TRIM24: variants seen among roughly 807,000 people sequenced by gnomAD.
TRIM24 encodes the protein transcription intermediary factor 1-alpha.
Under a neutral mutation model 123.9 loss-of-function variants are expected in TRIM24, and 29 were observed. That is an observed-to-expected ratio of 0.23 (90% CI 0.17 to 0.32). TRIM24 has a LOEUF of 0.32. Among genes scored for constraint, TRIM24 ranks in the 10% least tolerant of loss-of-function variants. The pLI, the probability that TRIM24 is intolerant of heterozygous loss-of-function variation, is 1.00. For missense variants in TRIM24, 932 were observed against 1,295.3 expected (o/e 0.72, Z 4.31); for synonymous variants, 456 against 461.1 (o/e 0.99, Z 0.14).
intron 2 of TRIM24, among the ~76,000 whole-genome samples, chr7:138,512,158 G>GCTC (rs1796301674): frequency 6.6e-6 from 1 of 152,124 alleles, no homozygotes; most frequent in African/African-American, 2.4e-5. Flanking sequence ...GGCTCCCAAA[G>GCTC]CCTTGGGCAG....
chr7:138,461,125 G>T, intron 1 of TRIM24: 1 of 704,840 alleles, frequency 1.4e-6, no homozygotes, highest in South Asian at 1.4e-5. Context: ...GGGCGCTGTG[G>T]ACTTGACCGC....
intron 1 of TRIM24, among the ~76,000 whole-genome samples, chr7:138,486,471 T>A (rs918813211): frequency 7.2e-5 from 11 of 152,152 alleles, no homozygotes; most frequent in African/African-American, 2.7e-4. Context: ...TGGTTTTAGG[T>A]CTAACATTTA....
chr7:138,573,368 G>T, intron 11 of TRIM24, 139 bp from the exon 12 acceptor site: 1 of 784,700 alleles, frequency 1.3e-6, no homozygotes, highest in Non-Finnish European at 1.8e-6. Flanking sequence ...GAAAATATCT[G>T]TTAGAACTTC....
chr7:138,461,409 C>A, intron 1 of TRIM24: 5 of 391,102 alleles, frequency 1.3e-5, no homozygotes, highest in South Asian at 9.7e-5. Context: ...TGATTGATTG[C>A]AGATCGGATG....
chr7:138,504,583 C>T (rs917986021), intron 2 of TRIM24, among the ~76,000 whole-genome samples, 175 bp downstream of exon 2: 2 of 151,504 alleles, frequency 1.3e-5, no homozygotes, highest in Admixed American at 1.3e-4. Flanking sequence ...CTGCCTCAGC[C>T]TCCCGAGTAG....
chr7:138,570,731 A>C, intron 10 of TRIM24, 99 bp from the exon 11 acceptor site: 1 of 1,210,540 alleles, frequency 8.3e-7, no homozygotes, highest in Non-Finnish European at 1.2e-6. Flanking sequence ...TGTAAATTAC[A>C]GTTGAACTCT....
At chr7:138,514,211 T>C (rs140090988) in intron 2 of TRIM24, among the ~76,000 whole-genome samples, 462 of 152,248 alleles carry the variant, frequency 3.0e-3, no homozygotes, top group African/African-American at 9.9e-3. Flanking sequence ...TCAAACCTGT[T>C]CTCATCTCCA....
At position 138,497,393 on chromosome 7, in the gene TRIM24, CTTTTTTTTTTTTT is replaced by C. The variant is rs869232002; in HGVS notation, c.365-6884_365-6872del. ...GATGGGAAGGTTTCAATTACAATTT[CTTTTTTTTTTTTT>C]TTTTTTTTTTTTGAGAAAGAGTCTC... On this transcript the variant is annotated intron_variant, in intron 1 of 18. Transcript: ENST00000343526. Among the ~76,000 whole-genome samples the C allele has an allele frequency of 9.8e-4, 87 of 88,338 alleles. 1 individual carries two copies. The highest frequency in any genetic ancestry group is 1.6e-3 in the Non-Finnish European group (76 of 46,720). The allele number at this position is 88,338 out of a possible 152,430, so 58.0% of individuals were successfully genotyped here.
At chr7:138,552,231 G>C (rs1316964157) in intron 8 of TRIM24, among the ~76,000 whole-genome samples, 1 of 152,128 alleles carries the variant, frequency 6.6e-6, no homozygotes, top group Non-Finnish European at 1.5e-5. Flanking sequence ...TAAGTAAACT[G>C]ATGTTTGTCT....
intron 1 of TRIM24, among the ~76,000 whole-genome samples, chr7:138,466,682 G>C (rs1019346547): frequency 9.9e-5 from 15 of 151,838 alleles, no homozygotes; most frequent in African/African-American, 3.6e-4. Flanking sequence ...GAAACGTAAA[G>C]TTCTTTATAT....
intron 9 of TRIM24, among the ~76,000 whole-genome samples, chr7:138,561,293 C>T (rs769634931): frequency 2.0e-5 from 3 of 152,136 alleles, no homozygotes; most frequent in Non-Finnish European, 2.9e-5. Flanking sequence ...GTAAAGTATT[C>T]AACATCTGGG....
At chr7:138,483,910 A>G (rs2116483040) in intron 1 of TRIM24, among the ~76,000 whole-genome samples, 1 of 152,228 alleles carries the variant, frequency 6.6e-6, no homozygotes, top group African/African-American at 2.4e-5. Context: ...GATAAAGAGT[A>G]TTTGGTTAAG....
At chr7:138,562,818 G>A (rs533405693) in intron 9 of TRIM24, among the ~76,000 whole-genome samples, 9 of 152,216 alleles carry the variant, frequency 5.9e-5, no homozygotes, top group South Asian at 2.1e-4. Context: ...TTTGCAGGAC[G>A]GTAAGGGTTA....
At chr7:138,464,697 T>C (rs937139710) in intron 1 of TRIM24, among the ~76,000 whole-genome samples, 2 of 152,212 alleles carry the variant, frequency 1.3e-5, no homozygotes, top group Non-Finnish European at 2.9e-5. Flanking sequence ...GGGCCCATGC[T>C]ATAGGCCAAA....
chr7:138,460,408 T>C lies in TRIM24; in HGVS notation c.-141T>C, dbSNP rs7799818. 453,185 of 934,850 alleles carry C rather than the reference T, an allele frequency of 0.48. 115,241 individuals are homozygous for C. The highest frequency in any genetic ancestry group is 0.57 in the Middle Eastern group (1,541 of 2,702). The allele number at this position is 934,850 out of a possible 1,614,324, so 57.9% of individuals were successfully genotyped here. On this transcript the variant is annotated 5_prime_UTR_variant, in exon 1 of 19. Transcript: ENST00000343526. Reference sequence around the variant, plus strand: ...GCCTGAGGAGGCTTCCCCCGCCCGGTTTGCTTTCCCTCCCTCGCTGGCGCT... The same window carrying C: ...GCCTGAGGAGGCTTCCCCCGCCCGGCTTGCTTTCCCTCCCTCGCTGGCGCT...
intron 1 of TRIM24, among the ~76,000 whole-genome samples, chr7:138,463,043 GTTTT>G (rs57719141): frequency 6.7e-5 from 4 of 60,132 alleles, no homozygotes; most frequent in African/African-American, 2.2e-4. Flanking sequence ...CTAATTTTGT[GTTTT>G]TTTTTTTTTT....
intron 1 of TRIM24, among the ~76,000 whole-genome samples, chr7:138,488,434 A>G (rs372039146): frequency 1.3e-5 from 2 of 151,848 alleles, no homozygotes; most frequent in Non-Finnish European, 2.9e-5. Context: ...CTTTAATTGT[A>G]ATGTTAGGGT....
chr7:138,552,513 T>C (rs1797232428), intron 8 of TRIM24, among the ~76,000 whole-genome samples: 1 of 152,146 alleles, frequency 6.6e-6, no homozygotes, highest in African/African-American at 2.4e-5. Flanking sequence ...CCCTACACAT[T>C]GTCTGTTTAT....
chr7:138,530,657 G>T (rs563616431), intron 6 of TRIM24, among the ~76,000 whole-genome samples: 1 of 151,682 alleles, frequency 6.6e-6, no homozygotes. Flanking sequence ...TTAAGAGGGG[G>T]GGTTTTGACA....
Sources: allele counts gnomAD v4.1 joint callset (sites outside exome capture counted in the v4.1 genomes callset), GRCh38; gene constraint gnomAD v4.1.1; transcripts MANE v1.5; gene names NCBI Gene and HGNC (gene_info 2026-07-23, HGNC 2026-07-21).